CDC25C: variants seen among roughly 807,000 people sequenced by gnomAD.
The protein encoded by CDC25C is cell division cycle 25C.
A neutral mutation model predicts 52.5 loss-of-function variants in CDC25C; 48 were observed. That is an observed-to-expected ratio of 0.91 (90% CI 0.72 to 1.16). CDC25C has a LOEUF of 1.16. Ranked by LOEUF, CDC25C falls within the 50% of genes most tolerant of loss-of-function variation. The pLI, the probability that CDC25C is intolerant of heterozygous loss-of-function variation, is 0.00. For synonymous variants in CDC25C, 187 were observed against 206.5 expected (o/e 0.91, Z 0.81); for missense variants, 510 against 566.1 (o/e 0.90, Z 1.01).
intron 7 of CDC25C, among the ~76,000 whole-genome samples, chr5:138,313,965 TTC>T (rs1758653846): frequency 1.3e-5 from 1 of 79,912 alleles, no homozygotes; most frequent in South Asian, 4.2e-4. Context: ...ATGTCCCTTT[TTC>T]TTTCTTTCTT....
At chr5:138,322,954 C>CT (rs1388930431) in intron 6 of CDC25C, among the ~76,000 whole-genome samples, 152 of 145,346 alleles carry the variant, frequency 1.0e-3, no homozygotes, top group East Asian at 2.8e-3. Context: ...TTTTTTTTTC[C>CT]TTTTTTTTTT....
At position 138,326,077 on chromosome 5, in the gene CDC25C, T is replaced by G. The variant is rs754849933; in HGVS notation, c.336-23A>C. 5.0e-6 allele frequency: 8 copies of G among 1,613,278 alleles called. No homozygotes were observed. In the South Asian group the frequency reaches 8.8e-5, roughly 18 times the overall value. On this transcript the variant is annotated intron_variant, in intron 4 of 13. Transcript: ENST00000323760. The stretch of plus-strand genomic sequence containing the variant: ...TTCCTGCAGATTAAAACAAACTGCC[T>G]GTCAGGTTAGTCCCAAATACTGTTT...
At chr5:138,314,540 C>T (rs1326615240) in intron 7 of CDC25C, among the ~76,000 whole-genome samples, 2 of 151,940 alleles carry the variant, frequency 1.3e-5, no homozygotes, top group Non-Finnish European at 2.9e-5. Context: ...AGGTGATCCA[C>T]CCACCTTGAC....
Position 138,286,571 on chromosome 5 carries a change from G to A in CDC25C, c.1086C>T (p.Ile362=), listed in dbSNP as rs570467576. The change falls in exon 12 of 14, where the codon ATC becomes ATT. Residue 362 remains isoleucine, a synonymous_variant. Transcript: ENST00000323760. ...ELFNFFLKKP[I]VPLDTQKRII... ...TTCTCTTCTGGGTGTCCAAAGGGACGATGGGCTTCTTCAGAAAGAAGTTAA... is the reference window on the plus strand; with the variant it reads ...TTCTCTTCTGGGTGTCCAAAGGGACAATGGGCTTCTTCAGAAAGAAGTTAA... 3.1e-6 allele frequency: 5 copies of A among 1,613,760 alleles called. No homozygotes were observed. In the East Asian group the frequency reaches 6.7e-5, roughly 22 times the overall value.
chr5:138,292,344 T>C (rs1277402188), intron 7 of CDC25C, among the ~76,000 whole-genome samples: 1 of 152,044 alleles, frequency 6.6e-6, no homozygotes, highest in East Asian at 1.9e-4. Flanking sequence ...TTAATATCTT[T>C]CTACCTGGAC....
At chr5:138,337,869 C>T (rs1036994434) in intron 1 of CDC25C, 2 of 931,830 alleles carry the variant, frequency 2.1e-6, no homozygotes. Flanking sequence ...GGCACTGTGG[C>T]TAATTGCGTG....
intron 4 of CDC25C, among the ~76,000 whole-genome samples, chr5:138,326,488 C>A (rs957804397): frequency 4.6e-5 from 7 of 151,878 alleles, no homozygotes; most frequent in African/African-American, 1.7e-4. Flanking sequence ...ACTACAGGCG[C>A]CTGCAACCAC....
chr5:138,313,379 CAAAAAAAAA>C (rs774904685), intron 7 of CDC25C, among the ~76,000 whole-genome samples: 2 of 37,074 alleles, frequency 5.4e-5, no homozygotes, highest in Admixed American at 2.8e-4. Flanking sequence ...CTATATCTCA[CAAAAAAAAA>C]AAAAAAAAAA....
At chr5:138,292,492 A>C (rs1164074242) in intron 7 of CDC25C, among the ~76,000 whole-genome samples, 4 of 151,594 alleles carry the variant, frequency 2.6e-5, no homozygotes, top group East Asian at 1.9e-4. Flanking sequence ...AAAAAAAAAA[A>C]AAAAAAAAAA....
chr5:138,300,829 A>C (rs1757576167), intron 7 of CDC25C, among the ~76,000 whole-genome samples: 1 of 152,220 alleles, frequency 6.6e-6, no homozygotes, highest in African/African-American at 2.4e-5. Context: ...ATTCAATAAC[A>C]GAAAGGTCCT....
intron 6 of CDC25C, among the ~76,000 whole-genome samples, chr5:138,323,773 T>C (rs913897467): frequency 1.3e-5 from 2 of 151,524 alleles, no homozygotes; most frequent in Non-Finnish European, 2.9e-5. Flanking sequence ...GCCTGGCCAA[T>C]ATGGTGAAAC....
At position 138,331,005 on chromosome 5, in the gene CDC25C, T is replaced by C; in HGVS notation, c.176A>G (p.Asn59Ser). Residue 59 changes from asparagine (N) to serine (S), a missense_variant, in exon 2 of 14, where the codon AAC (asparagine) becomes AGC (serine). By Grantham distance (46) the Asn-to-Ser change is conservative (BLOSUM62 1). Coordinates refer to ENST00000323760, the MANE Select transcript of CDC25C (RefSeq NM_001790.5). ...TATTTACCCAGACAAAATGCTTAGG[T>C]TTGCAGAATCACCAAGAAATTTGCC... is the stretch of plus-strand genomic sequence containing the variant. Reference protein sequence around the residue: ...PVGKFLGDSANLSILSGGTPK... With the variant: ...PVGKFLGDSASLSILSGGTPK... 1 of 1,612,100 alleles carries C rather than the reference T, an allele frequency of 6.2e-7. No individual in the cohort carries two copies. Among genetic ancestry groups the C allele is most frequent in the Non-Finnish European group, 8.5e-7 (1 of 1,178,142 alleles).
intron 7 of CDC25C, among the ~76,000 whole-genome samples, chr5:138,308,490 T>C (rs964074062): frequency 3.3e-5 from 5 of 152,338 alleles, no homozygotes; most frequent in African/African-American, 1.2e-4. Flanking sequence ...ACTAACATAT[T>C]TGTAAAAGTG....
chr5:138,294,267 T>C (rs1756999525), intron 7 of CDC25C, among the ~76,000 whole-genome samples: 1 of 149,412 alleles, frequency 6.7e-6, no homozygotes, highest in African/African-American at 2.5e-5. Flanking sequence ...TCTCGGCTCA[T>C]TGCAACCTCT....
At chr5:138,326,298 G>A (rs537406137) in intron 4 of CDC25C, among the ~76,000 whole-genome samples, 21 of 151,974 alleles carry the variant, frequency 1.4e-4, no homozygotes, top group Non-Finnish European at 1.9e-4. Flanking sequence ...AAAGATGAAC[G>A]AGTTTTATAC....
chr5:138,329,721 C>T, intron 2 of CDC25C, 74 bp from the exon 3 acceptor site: 1 of 660,770 alleles, frequency 1.5e-6, no homozygotes, highest in Non-Finnish European at 2.5e-6. Flanking sequence ...TCATGTCATC[C>T]TCTTCTTTTT....
At chr5:138,312,608 C>T (rs1664537962) in intron 7 of CDC25C, among the ~76,000 whole-genome samples, 1 of 151,996 alleles carries the variant, frequency 6.6e-6, no homozygotes, top group African/African-American at 2.4e-5. Flanking sequence ...AACAAAAAAA[C>T]CCTGTATCAT....
upstream of CDC25C, chr5:138,331,938 T>C: frequency 1.0e-6 from 1 of 976,610 alleles, no homozygotes; most frequent in Non-Finnish European, 1.2e-6. Context: ...GGCTCGCAGA[T>C]CACCTGGGGG....
intron 7 of CDC25C, among the ~76,000 whole-genome samples, chr5:138,305,487 GAACTGCTAGACTCA>G (rs895326082): frequency 1.3e-5 from 2 of 152,124 alleles, no homozygotes; most frequent in African/African-American, 4.8e-5. Context: ...CTGTAGCCTT[GAACTGCTAGACTCA>G]AACAGTCCTC....
Sources: gnomAD v4.1 joint callset for allele counts (sites outside exome capture counted in the v4.1 genomes callset) on GRCh38, gnomAD v4.1.1 for gene constraint, MANE v1.5 for transcripts, NCBI Gene and HGNC (gene_info 2026-07-23, HGNC 2026-07-21) for gene names.